Variants in C8orf34 observed in about 807,000 individuals in gnomAD.
The protein encoded by C8orf34 is uncharacterized protein C8orf34.
C8orf34 carries 65 observed loss-of-function variants against 68.3 expected under a neutral mutation model. The observed-to-expected ratio is 0.95, with a 90% CI of 0.78 to 1.17. The LOEUF (loss-of-function observed/expected upper bound fraction) is 1.17, where lower values mean the gene tolerates loss of function less well. Ranked by LOEUF, C8orf34 falls within the 50% of genes most tolerant of loss-of-function variation. C8orf34 has a pLI of 0.00. For synonymous variants in C8orf34, 244 were observed against 241.2 expected, an observed-to-expected ratio of 1.01 and a Z score of -0.11; for missense variants, 664 against 655.4, an observed-to-expected ratio of 1.01 and a Z score of -0.14.
At chr8:68,742,722 A>G (rs1349953574) in intron 10 of C8orf34, among the ~76,000 whole-genome samples, 2 of 151,560 alleles carry the variant, frequency 1.3e-5, no homozygotes, top group African/African-American at 2.4e-5. Flanking sequence ...CCTTTCACCA[A>G]CATCTTAGAA....
At chr8:68,679,965 C>T (rs74451105) in intron 8 of C8orf34, among the ~76,000 whole-genome samples, 9,249 of 152,208 alleles carry the variant, frequency 0.061, 311 homozygotes, top group Middle Eastern at 0.11. Flanking sequence ...AGGCCTCAAT[C>T]TATAAAACTA....
intron 12 of C8orf34, among the ~76,000 whole-genome samples, chr8:68,815,033 A>C (rs1051725692): frequency 3.9e-5 from 6 of 152,180 alleles, no homozygotes; most frequent in Non-Finnish European, 7.4e-5. Flanking sequence ...TTGTTTGTGA[A>C]TCATCTAGAT....
intron 8 of C8orf34, among the ~76,000 whole-genome samples, chr8:68,674,240 C>G (rs1192877823): frequency 1.3e-5 from 2 of 151,998 alleles, no homozygotes; most frequent in East Asian, 3.9e-4. Context: ...TGCCCAGACA[C>G]TGATGAATGT....
intron 3 of C8orf34, among the ~76,000 whole-genome samples, chr8:68,465,735 G>C (rs1283616660): frequency 1.3e-5 from 2 of 151,560 alleles, no homozygotes; most frequent in African/African-American, 4.9e-5. Context: ...CTCACTCATA[G>C]GTGGGAATTG....
chr8:68,788,526 A>G (rs1290872239), intron 12 of C8orf34, among the ~76,000 whole-genome samples: 1 of 152,156 alleles, frequency 6.6e-6, no homozygotes, highest in African/African-American at 2.4e-5. Flanking sequence ...GTGGTACTTT[A>G]TAGATTCTAT....
chr8:68,799,111 T>A (rs1824259176), intron 12 of C8orf34, among the ~76,000 whole-genome samples: 1 of 152,128 alleles, frequency 6.6e-6, no homozygotes, highest in Non-Finnish European at 1.5e-5. Flanking sequence ...ATGCGTGGAG[T>A]TGAAGTCTTT....
intron 7 of C8orf34, among the ~76,000 whole-genome samples, chr8:68,618,340 C>T (rs1206200207): frequency 6.6e-6 from 1 of 151,996 alleles, no homozygotes; most frequent in Non-Finnish European, 1.5e-5. Flanking sequence ...TTTACTTTTG[C>T]CAAAGGTTGA....
chr8:68,657,952 T>A (rs965784936), intron 8 of C8orf34, among the ~76,000 whole-genome samples: 2 of 150,260 alleles, frequency 1.3e-5, no homozygotes, highest in Admixed American at 6.6e-5. Flanking sequence ...TGGTTTTAAA[T>A]TTTTTTTTAT....
intron 5 of C8orf34, among the ~76,000 whole-genome samples, chr8:68,489,531 C>A (rs1271527740): frequency 6.6e-6 from 1 of 152,122 alleles, no homozygotes; most frequent in Non-Finnish European, 1.5e-5. Context: ...TTATACACAT[C>A]ACCTGGAGAT....
chr8:68,807,906 T>C (rs1312111895), intron 12 of C8orf34, among the ~76,000 whole-genome samples: 1 of 152,262 alleles, frequency 6.6e-6, no homozygotes, highest in Non-Finnish European at 1.5e-5. Context: ...TCCTCCAGTG[T>C]GGCCTTTCGG....
intron 6 of C8orf34, chr8:68,525,508 A>T: frequency 1.3e-6 from 1 of 751,576 alleles, no homozygotes; most frequent in Non-Finnish European, 2.3e-6. Context: ...GTAAGTATGT[A>T]TTACATCCCT....
At chr8:68,564,864 C>T (rs1324697906) in intron 7 of C8orf34, among the ~76,000 whole-genome samples, 2 of 152,100 alleles carry the variant, frequency 1.3e-5, no homozygotes, top group Non-Finnish European at 2.9e-5. Context: ...GTAGGAACAT[C>T]AAAAGACAAA....
intron 11 of C8orf34, among the ~76,000 whole-genome samples, chr8:68,782,478 G>A (rs1304835413): frequency 2.1e-5 from 3 of 145,892 alleles, no homozygotes; most frequent in Non-Finnish European, 4.5e-5. Context: ...GCCATCTAGT[G>A]CCTCTCACAT....
At position 68,409,023 on chromosome 8, in the gene C8orf34, A is replaced by G. The variant is rs138791685; in HGVS notation, c.328-30476A>G. On this transcript the variant is annotated intron_variant, in intron 1 of 13. Transcript: ENST00000518698. ...AGCCTGATCTTGAACTCCTGACCTC[A>G]TGATACACCCGCCTTGGCCTCCCAA... 7.9e-3 allele frequency among the ~76,000 whole-genome samples: 1,196 copies of G among 151,948 alleles called. 26 individuals carry two copies. The highest frequency in any genetic ancestry group is 0.028 in the African/African-American group (1,142 of 41,430).
At chr8:68,454,304 C>T (rs575116089) in intron 3 of C8orf34, among the ~76,000 whole-genome samples, 3 of 152,124 alleles carry the variant, frequency 2.0e-5, no homozygotes, top group Admixed American at 2.0e-4. Flanking sequence ...GTTCCCTGTT[C>T]TTCAGATTTT....
intron 1 of C8orf34, among the ~76,000 whole-genome samples, chr8:68,377,366 C>T (rs1190329639): frequency 6.6e-6 from 1 of 151,724 alleles, no homozygotes; most frequent in Admixed American, 6.6e-5. Context: ...CCACTGCACT[C>T]CAGCCTGGTG....
Position 68,787,695 on chromosome 8 carries a change from A to G in C8orf34, c.1549+159A>G, listed in dbSNP as rs1823884083. 1.0e-5 allele frequency: 5 copies of G among 492,234 alleles called. No homozygotes were observed. The South Asian group carries it at 1.5e-4, about 15-fold the overall frequency. The allele number at this position is 492,234 out of a possible 1,614,324, so 30.5% of individuals were successfully genotyped here. The stretch of plus-strand genomic sequence containing the variant: ...TAAAGACAAGCTATCCTTCAGGTCT[A>G]TGTCTTCATTCAGTAACATCTTAAT... On this transcript the variant is annotated intron_variant, in intron 12 of 13. Coordinates refer to ENST00000518698, the MANE Select transcript of C8orf34 (RefSeq NM_052958.4).
chr8:68,446,610 A>G (rs532980575), intron 3 of C8orf34, 150 bp downstream of exon 3: 2 of 706,400 alleles, frequency 2.8e-6, no homozygotes, highest in Admixed American at 3.2e-5. Flanking sequence ...CCGCATTTAC[A>G]TTGATCTTCA....
chr8:68,786,933 C>T (rs1179689423), intron 11 of C8orf34, among the ~76,000 whole-genome samples: 1 of 151,922 alleles, frequency 6.6e-6, no homozygotes, highest in South Asian at 2.1e-4. Context: ...AGTTCAATGA[C>T]AGAAGGGAAA....
Sources: gnomAD v4.1 joint callset for allele counts (sites outside exome capture counted in the v4.1 genomes callset) on GRCh38, gnomAD v4.1.1 for gene constraint, MANE v1.5 for transcripts, NCBI Gene and HGNC (gene_info 2026-07-23, HGNC 2026-07-21) for gene names.